Variants in CIC observed in about 807,000 individuals in gnomAD.
CIC encodes the protein capicua transcriptional repressor, also known as protein capicua homolog.
Under a neutral mutation model 115.7 loss-of-function variants are expected in CIC, and 18 were observed. The ratio of observed to expected loss-of-function variants is 0.16; its 90% CI spans 0.11 to 0.23. The LOEUF is 0.23. Among genes scored for constraint, CIC ranks in the 10% least tolerant of loss-of-function variants. The pLI is 1.00. For missense variants in CIC, 2,000 were observed against 2,159.3 expected, an observed-to-expected ratio of 0.93 and a Z score of 1.46; for synonymous variants, 1,076 against 923.0, an observed-to-expected ratio of 1.17 and a Z score of -3.01.
chr19:42,284,890 C>G, intron 2 of CIC: 2 of 938,352 alleles, frequency 2.1e-6, no homozygotes, highest in South Asian at 2.8e-5. Context: ...AAAGGGATGA[C>G]GGGGAAAGTT....
rs1233414447 is a variant in CIC, at chr19:42,286,817, C to T, written c.2841C>T (p.His947=). ...GCTCTGTGGCTGTGTTCCCTTGGCA[C>T]TCCTTAGTCCCCTTCCTGGCACCCA... ...EPRSVAVFPW[H]SLVPFLAPSQ... Residue 947 remains histidine, a synonymous_variant, in exon 3 of 21, where the codon CAC becomes CAT. Transcript: ENST00000681038. 1 of 1,613,918 alleles carries T rather than the reference C, an allele frequency of 6.2e-7. No homozygotes were observed. Among genetic ancestry groups the T allele is most frequent in the Non-Finnish European group, 8.5e-7 (1 of 1,180,004 alleles).
At chr19:42,283,676 G>A (rs2037372541) in intron 2 of CIC, among the ~76,000 whole-genome samples, 1 of 151,982 alleles carries the variant, frequency 6.6e-6, no homozygotes, top group South Asian at 2.1e-4. Context: ...GGGCCGAGCC[G>A]CGCGTGAGCG....
At chr19:42,282,061 T>A (rs2037281891) in intron 2 of CIC, among the ~76,000 whole-genome samples, 1 of 152,114 alleles carries the variant, frequency 6.6e-6, no homozygotes, top group East Asian at 1.9e-4. Context: ...GCCACATTGA[T>A]TTCAGCCTCA....
In CIC at chr19:42,273,404, G is replaced by A. The variant is rs1392961403; in HGVS notation, c.1621G>A (p.Gly541Ser). The A allele has an allele frequency of 2.5e-6, 1 of 398,304 alleles. No individual in the cohort carries two copies. The highest frequency in any genetic ancestry group is 4.4e-6 in the Non-Finnish European group (1 of 225,922). The allele number at this position is 398,304 out of a possible 1,614,324, so 24.7% of individuals were successfully genotyped here. A position where few individuals can be genotyped will look rare whatever the true frequency, so the allele number is the denominator to read the frequency against. Residue 541 changes from glycine (G) to serine (S), a missense_variant, in exon 2 of 21, where the codon GGC becomes AGC. By Grantham distance (56) the Gly-to-Ser change is moderately conservative. Transcript: ENST00000681038. ...GGAAGGCCTGGCAGACAGTGGGCCT[G>A]GCGGGGCGGGCCGGCCCGCGGCCGT... is the stretch of plus-strand genomic sequence containing the variant. Reference protein sequence around the residue: ...EMEGLADSGPGGAGRPAAVAA... With the variant: ...EMEGLADSGPSGAGRPAAVAA...
At chr19:42,271,676 G>C (rs751559347) in intron 1 of CIC, 98 bp from the exon 2 acceptor site, 11 of 397,802 alleles carry the variant, frequency 2.8e-5, no homozygotes, top group Non-Finnish European at 4.4e-5. Context: ...TGGTGGGATG[G>C]AGACAGTAGA....
rs181552919 is a variant in CIC at position 42,287,649 on chromosome 19, C to T, written c.3414C>T (p.Thr1138=). 59 of 1,614,048 alleles carry T rather than the reference C, an allele frequency of 3.7e-5. No homozygotes were observed. Among genetic ancestry groups the T allele is most frequent in the African/African-American group, 5.3e-5 (4 of 75,052 alleles). ...HQRHPNQDNR[T]VSKILGEWWY... ...GTCATCCCAACCAGGACAACCGGAC[C>T]GTCAGCAAGATCCTGGGCGAGTGGT... The change falls in exon 6 of 21, where the codon ACC becomes ACT. Residue 1138 remains threonine (T), a synonymous_variant. Coordinates refer to ENST00000681038, the MANE Select transcript of CIC (RefSeq NM_001386298.1). The surrounding 1 kb of genome is among the most constrained non-coding windows in gnomAD (Gnocchi z 8.7).
rs2038341128 is a variant in CIC at position 42,293,974 on chromosome 19, T to G, written c.6807T>G (p.Ala2269=). ...AAGTGGACTTCGAAGAGCGCTTTGCTGAGTTGCCTGAGTTTCGGCCTGAGG... is the reference window on the plus strand; with the variant it reads ...AAGTGGACTTCGAAGAGCGCTTTGCGGAGTTGCCTGAGTTTCGGCCTGAGG... ...LSEVDFEERF[A]ELPEFRPEEV... is the part of the protein sequence containing the mutation. Residue 2269 remains alanine, a synonymous_variant, in exon 18 of 21, where the codon GCT becomes GCG. Transcript: ENST00000681038. 6.2e-7 allele frequency: 1 copy of G among 1,613,452 alleles called. No individual in the cohort carries two copies. The highest frequency in any genetic ancestry group is 1.1e-5 in the South Asian group (1 of 91,094).
chr19:42,272,578 G>C lies in CIC; in HGVS notation c.795G>C (p.Val265=), dbSNP rs1420129356. Residue 265 remains valine (V), a synonymous_variant, in exon 2 of 21, where the codon GTG becomes GTC. Transcript: ENST00000681038. ...LDATPPPGAL[V]VGTAVCTCVE... ...CCACACCCCCACCAGGTGCCCTGGT[G>C]GTGGGCACAGCTGTCTGTACCTGTG... 1.8e-5 allele frequency: 7 copies of C among 398,444 alleles called. No individual in the cohort carries two copies. Among genetic ancestry groups the C allele is most frequent in the Admixed American group, 4.4e-5 (1 of 22,724 alleles). The allele number at this position is 398,444 out of a possible 1,614,324, so 24.7% of individuals were successfully genotyped here. A position where few individuals can be genotyped will look rare whatever the true frequency, so the allele number is the denominator to read the frequency against.
In CIC at chr19:42,272,412, G is replaced by T. The variant is rs2036823255; in HGVS notation, c.629G>T (p.Arg210Leu). The T allele has an allele frequency of 2.5e-6, 1 of 398,438 alleles. No homozygotes were observed. Among genetic ancestry groups the T allele is most frequent in the Non-Finnish European group, 4.4e-6 (1 of 226,012 alleles). The allele number at this position is 398,438 out of a possible 1,614,324, so 24.7% of individuals were successfully genotyped here. Residue 210 changes from arginine (R) to leucine (L), a missense_variant, in exon 2 of 21, where the codon CGG (arginine) becomes CTG (leucine). Arg to Leu is a moderately radical substitution (Grantham distance 102). Coordinates refer to ENST00000681038, the MANE Select transcript of CIC (RefSeq NM_001386298.1). ...CTGCGGTCCCAGCGGGTGCTGGCTCGGCGTGGTGATGGCCTTTTCCTGCCG... is the reference window on the plus strand; with the variant it reads ...CTGCGGTCCCAGCGGGTGCTGGCTCTGCGTGGTGATGGCCTTTTCCTGCCG... ...RQLRSQRVLA[R>L]RGDGLFLPAV...
rs773423764 is a variant in CIC, at chr19:42,293,001, C to G, written c.6242C>G (p.Pro2081Arg). The part of the protein sequence containing the change: ...YSLVAPKAQR[P>R]SPKAPQKVKA... ...TTAGTGGCCCCCAAGGCCCAGCGGC[C>G]CAGCCCGAAGGCCCCCCAGAAAGTG... Residue 2081 changes from proline (P) to arginine (R), a missense_variant, in exon 16 of 21, where the codon CCC becomes CGC. Around this residue, in one of 8 missense-constraint regions of CIC, gnomAD observed 1,466 missense variants for 1,390.4 expected, o/e 1.05. Coordinates refer to ENST00000681038, the MANE Select transcript of CIC (RefSeq NM_001386298.1). The G allele has an allele frequency of 6.2e-7, 1 of 1,613,560 alleles. No individual in the cohort carries two copies. Among genetic ancestry groups the G allele is most frequent in the East Asian group, 2.2e-5 (1 of 44,882 alleles).
rs1286283878 is a variant in CIC, at chr19:42,290,911, T to C, written c.4870T>C (p.Ser1624Pro). Residue 1624 changes from serine to proline, a missense_variant, in exon 11 of 21, where the codon TCT becomes CCT. Transcript: ENST00000681038. ...TGCCAGGACTGAAATGGGCACTGGG[T>C]CTCGGGTGCCTGGGGGCTCCCCGCT... ...AGARTEMGTGSRVPGGSPLGV... is the reference protein window; with the variant it reads ...AGARTEMGTGPRVPGGSPLGV... The C allele has an allele frequency of 1.9e-6, 3 of 1,613,374 alleles. No homozygotes were observed. In the Admixed American group the frequency reaches 5.0e-5, roughly 27 times the overall value.
chr19:42,278,364 C>CT (rs1454016106), intron 2 of CIC, among the ~76,000 whole-genome samples: 1 of 152,238 alleles, frequency 6.6e-6, no homozygotes, highest in Non-Finnish European at 1.5e-5. Context: ...TCCTGGGCCT[C>CT]TGTCTGGCGG....
At chr19:42,284,334 G>GCCTGCCCCA (rs1400493857) in intron 2 of CIC, 2 of 132,496 alleles carry the variant, frequency 1.5e-5, no homozygotes, top group Non-Finnish European at 3.4e-5. Flanking sequence ...GCCCCGCCCC[G>GCCTGCCCCA]CCTGCCCCGC....
chr19:42,295,206 G>A lies in CIC; in HGVS notation c.*15G>A. The A allele has an allele frequency of 6.6e-7, 1 of 1,510,190 alleles. No individual in the cohort carries two copies. The highest frequency in any genetic ancestry group is 1.2e-5 in the South Asian group (1 of 83,418). The allele number at this position is 1,510,190 out of a possible 1,614,324, so 93.5% of individuals were successfully genotyped here. ...CAGGCAGGTGAGGGACCCCTGAGAAGATGCCAGGACTTATAGTACCCCCTC... is the reference window on the plus strand; with the variant it reads ...CAGGCAGGTGAGGGACCCCTGAGAAAATGCCAGGACTTATAGTACCCCCTC... On this transcript the variant is annotated 3_prime_UTR_variant, in exon 21 of 21. Transcript: ENST00000681038.
At chr19:42,284,802 G>C in intron 2 of CIC, 1 of 1,531,230 alleles carries the variant, frequency 6.5e-7, no homozygotes, top group Non-Finnish European at 8.8e-7. Flanking sequence ...GGGACTGCAG[G>C]GGTCAAGGTG....
chr19:42,284,735 G>A (rs1283282387), intron 2 of CIC: 1 of 1,556,822 alleles, frequency 6.4e-7, no homozygotes. Flanking sequence ...CCTGATGCCC[G>A]CGTCCAGCGC....
rs1426044770 is a variant in CIC at position 42,291,138 on chromosome 19, C to T, written c.5097C>T (p.Thr1699=). 1.9e-6 allele frequency: 3 copies of T among 1,608,164 alleles called. No homozygotes were observed. The highest frequency in any genetic ancestry group is 1.7e-6 in the Non-Finnish European group (2 of 1,176,008). The part of the protein sequence containing the change: ...FIAQGAPGGG[T]TAGSGAGAGS... The stretch of plus-strand genomic sequence containing the variant: ...CCCAGGGGGCCCCTGGTGGTGGGAC[C>T]ACTGCGGGCTCAGGAGCAGGTGCTG... Residue 1699 remains threonine (T), a synonymous_variant, in exon 11 of 21, where the codon ACC becomes ACT. Transcript: ENST00000681038.
Position 42,295,124 on chromosome 19 carries a change from G to A in CIC, c.7487G>A (p.Gly2496Asp), listed in dbSNP as rs1252195153. The part of the protein sequence containing the change: ...PPPESGPGQP[G>D]WEGAPQPSPP... ...CCAGAGTCGGGGCCTGGACAGCCTG[G>A]CTGGGAGGGGGCTCCCCAGCCCTCC... The change falls in exon 21 of 21, where the codon GGC becomes GAC. Residue 2496 changes from glycine to aspartate, a missense_variant. Gly to Asp is a moderately conservative substitution (Grantham distance 94). This residue lies in a region of CIC where 133 missense variants were observed against 116.0 expected (regional missense o/e 1.15). Coordinates refer to ENST00000681038, the MANE Select transcript of CIC (RefSeq NM_001386298.1). 4 of 1,513,256 alleles carry A rather than the reference G, an allele frequency of 2.6e-6. No homozygotes were observed. The highest frequency in any genetic ancestry group is 3.5e-6 in the Non-Finnish European group (4 of 1,137,052). 93.7% of individuals were successfully genotyped at this position (1,513,256 alleles called of 1,614,324 possible).
rs948347102 is a variant in CIC, at chr19:42,270,824, C to T, written c.-10-950C>T. On this transcript the variant is annotated intron_variant, in intron 1 of 20. Transcript: ENST00000681038. The surrounding 1 kb of genome is among the most constrained non-coding windows in gnomAD (Gnocchi z 4.1). ...AGCTCTGTGTCCCACTGTGTGATGA[C>T]GTGTGCGTGCTTCTGTGCGTGTGTG... Among the ~76,000 whole-genome samples, 2 of 152,100 alleles carry T rather than the reference C, an allele frequency of 1.3e-5. No homozygotes were observed. The highest frequency in any genetic ancestry group is 1.9e-4 in the East Asian group (1 of 5,190).
Sources: allele counts gnomAD v4.1 joint callset (sites outside exome capture counted in the v4.1 genomes callset), GRCh38; gene constraint gnomAD v4.1.1; regional missense constraint gnomAD v4.1.1; non-coding constraint Gnocchi (gnomAD v3.1); transcripts MANE v1.5; gene names NCBI Gene and HGNC (gene_info 2026-07-23, HGNC 2026-07-21).